Variants in ACTR3C observed in about 807,000 individuals in gnomAD.
The protein encoded by ACTR3C is actin related protein 3C.
In ACTR3C, 18 loss-of-function variants were observed where a neutral mutation model predicts 26.3. The observed-to-expected ratio is 0.68, with a 90% confidence interval of 0.47 to 1.01. ACTR3C has a LOEUF of 1.01. ACTR3C is among the 50% of genes least tolerant of loss of function. The pLI is 0.00. For missense variants in ACTR3C, 184 were observed against 250.7 expected (o/e 0.73, Z 1.80); for synonymous variants, 55 against 94.5 (o/e 0.58, Z 2.42).
At chr7:149,981,316 A>G in the ACTR3C span, among the ~76,000 whole-genome samples, 76,634 of 150,666 alleles carry the variant, frequency 0.51, 20,246 homozygotes, top group African/African-American at 0.66. Flanking sequence ...TGCAGCAGCA[A>G]GTGAGCCAAT....
chr7:150,279,625 C>T lies in ACTR3C; in HGVS notation c.564+5128G>A, dbSNP rs530298544. Among the ~76,000 whole-genome samples the T allele has an allele frequency of 1.7e-4, 26 of 152,096 alleles. No homozygotes were observed. In the South Asian group the frequency reaches 2.9e-3, roughly 17 times the overall value. ...CGTAGGCTCTGGCCAAAACAGGCAC[C>T]GCAGGCATCTGCCCACTCTCCTTCT... On this transcript the variant is annotated intron_variant, in intron 6 of 7. Transcript: ENST00000683684.
chr7:150,079,625 G>A, the ACTR3C span, among the ~76,000 whole-genome samples: 7 of 152,232 alleles, frequency 4.6e-5, no homozygotes, highest in East Asian at 1.9e-4. Flanking sequence ...TCTGCCTGGC[G>A]TTTCCCACAT....
chr7:150,281,591 T>C (rs1426525663), intron 6 of ACTR3C, among the ~76,000 whole-genome samples: 2 of 151,002 alleles, frequency 1.3e-5, no homozygotes, highest in Admixed American at 6.6e-5. Flanking sequence ...CCCTGGGCTG[T>C]GAGCAGAGCT....
At chr7:150,180,569 G>T in the ACTR3C span, among the ~76,000 whole-genome samples, 1 of 143,696 alleles carries the variant, frequency 7.0e-6, no homozygotes, top group African/African-American at 2.8e-5. Context: ...CTGGAGTGCA[G>T]TGGCGCGGTC....
the ACTR3C span, among the ~76,000 whole-genome samples, chr7:150,167,837 C>T: frequency 6.0e-5 from 9 of 150,350 alleles, no homozygotes; most frequent in Non-Finnish European, 1.2e-4. Flanking sequence ...GAAAAATGGG[C>T]GATTAGGAGC....
At chr7:149,888,940 G>A in the ACTR3C span, among the ~76,000 whole-genome samples, 3 of 151,810 alleles carry the variant, frequency 2.0e-5, no homozygotes, top group African/African-American at 4.8e-5. Context: ...CCTGGGAGGC[G>A]GAGGTTGCAG....
the ACTR3C span, among the ~76,000 whole-genome samples, chr7:150,232,404 T>C: frequency 1.3e-5 from 2 of 152,256 alleles, no homozygotes; most frequent in East Asian, 1.9e-4. Flanking sequence ...ATATTTAAAC[T>C]GTTTTCTATT....
At chr7:149,922,661 T>C in the ACTR3C span, among the ~76,000 whole-genome samples, 1 of 151,594 alleles carries the variant, frequency 6.6e-6, no homozygotes, top group Admixed American at 6.6e-5. Context: ...TTCTTCTCTA[T>C]TTTTGGTTAG....
At chr7:149,906,579 C>T in the ACTR3C span, among the ~76,000 whole-genome samples, 1 of 150,884 alleles carries the variant, frequency 6.6e-6, no homozygotes, top group Non-Finnish European at 1.5e-5. Flanking sequence ...TTACAGGCAC[C>T]CGCCACCATC....
the ACTR3C span, among the ~76,000 whole-genome samples, chr7:149,913,807 C>T: frequency 6.6e-6 from 1 of 151,514 alleles, no homozygotes; most frequent in Non-Finnish European, 1.5e-5. Flanking sequence ...TTCTTCCACC[C>T]ACCACATTTA....
the ACTR3C span, among the ~76,000 whole-genome samples, chr7:150,164,970 C>T: frequency 6.6e-6 from 1 of 152,140 alleles, no homozygotes; most frequent in Non-Finnish European, 1.5e-5. Context: ...CTCCTGGGGC[C>T]CCCTCTGTGG....
At chr7:149,934,574 C>T in the ACTR3C span, among the ~76,000 whole-genome samples, 2 of 152,026 alleles carry the variant, frequency 1.3e-5, no homozygotes, top group South Asian at 4.2e-4. Context: ...AAGAGTTGAA[C>T]TTCATCTTTG....
the ACTR3C span, among the ~76,000 whole-genome samples, chr7:150,175,080 T>C: frequency 1.4e-5 from 2 of 143,720 alleles, no homozygotes; most frequent in Non-Finnish European, 2.9e-5. Context: ...ACAAAGTTAC[T>C]GTAGTGTGAA....
At chr7:149,910,682 C>T in the ACTR3C span, among the ~76,000 whole-genome samples, 63,921 of 147,178 alleles carry the variant, frequency 0.43, 12,239 homozygotes, top group African/African-American at 0.48. Context: ...TAACTTTATT[C>T]ATTCAATTTT....
At chr7:150,206,045 T>C in the ACTR3C span, among the ~76,000 whole-genome samples, 1 of 152,144 alleles carries the variant, frequency 6.6e-6, no homozygotes, top group Non-Finnish European at 1.5e-5. Flanking sequence ...TAAATGGAAG[T>C]AAAGACAAAT....
At chr7:150,205,597 A>G in the ACTR3C span, among the ~76,000 whole-genome samples, 1 of 152,122 alleles carries the variant, frequency 6.6e-6, no homozygotes, top group Non-Finnish European at 1.5e-5. Flanking sequence ...GCAAGATACA[A>G]TACAGTAACA....
chr7:150,259,890 T>C (rs1833516136), intron 6 of ACTR3C, among the ~76,000 whole-genome samples: 2 of 152,196 alleles, frequency 1.3e-5, no homozygotes, highest in Admixed American at 6.5e-5. Flanking sequence ...CACCTTAAAA[T>C]ACCCCATAGA....
chr7:150,021,120 C>CT, the ACTR3C span, among the ~76,000 whole-genome samples: 18 of 150,670 alleles, frequency 1.2e-4, no homozygotes, highest in Admixed American at 7.2e-4. Context: ...TGCACCCAGC[C>CT]TTTTTTTTTT....
chr7:150,168,077 TA>T, the ACTR3C span, among the ~76,000 whole-genome samples: 1 of 150,842 alleles, frequency 6.6e-6, no homozygotes, highest in Admixed American at 6.6e-5. Context: ...TCTTCATTCA[TA>T]CCGTTGGCAG....
Sources: allele counts gnomAD v4.1 joint callset (sites outside exome capture counted in the v4.1 genomes callset), GRCh38; gene constraint gnomAD v4.1.1; transcripts MANE v1.5; gene names NCBI Gene and HGNC (gene_info 2026-07-23, HGNC 2026-07-21).